The following AHCYL2 variants were observed in gnomAD, a reference collection of about 807,000 sequenced individuals.
AHCYL2 encodes S-adenosylhomocysteine hydrolase-like protein 2.
Under a neutral mutation model 81.4 loss-of-function variants are expected in AHCYL2, and 28 were observed. That is an observed-to-expected ratio of 0.34 (90% CI 0.25 to 0.47). The LOEUF (loss-of-function observed/expected upper bound fraction) is 0.47. Among genes scored for constraint, AHCYL2 ranks in the 20% least tolerant of loss-of-function variants. The pLI is 1.00. For missense variants in AHCYL2, 551 were observed against 785.1 expected, an observed-to-expected ratio of 0.70 and a Z score of 3.56; for synonymous variants, 272 against 290.2, an observed-to-expected ratio of 0.94 and a Z score of 0.64.
chr7:129,361,728 C>T (rs1383481997), intron 1 of AHCYL2, among the ~76,000 whole-genome samples: 2 of 151,980 alleles, frequency 1.3e-5, no homozygotes, highest in African/African-American at 4.8e-5. Context: ...CTCTTGGGCT[C>T]TATCCTCCCA....
At chr7:129,414,597 T>C (rs1402881968) in intron 12 of AHCYL2, among the ~76,000 whole-genome samples, 1 of 152,030 alleles carries the variant, frequency 6.6e-6, no homozygotes, top group Non-Finnish European at 1.5e-5. Context: ...ATTTTTATGT[T>C]TTTAGTAGAG....
At chr7:129,228,487 A>T (rs1305581100) in intron 1 of AHCYL2, among the ~76,000 whole-genome samples, 1 of 152,252 alleles carries the variant, frequency 6.6e-6, no homozygotes, top group African/African-American at 2.4e-5. Flanking sequence ...ATATTTAATT[A>T]TAGTGTCCTT....
intron 1 of AHCYL2, among the ~76,000 whole-genome samples, chr7:129,363,304 C>T (rs1011991781): frequency 1.3e-5 from 2 of 152,060 alleles, no homozygotes; most frequent in African/African-American, 2.4e-5. Flanking sequence ...ATATTGGAAA[C>T]GAATTTATAA....
At chr7:129,248,620 ATTT>A (rs75305879) in intron 1 of AHCYL2, among the ~76,000 whole-genome samples, 1 of 100,792 alleles carries the variant, frequency 9.9e-6, no homozygotes, top group Non-Finnish European at 2.1e-5. Flanking sequence ...CCTGGATACT[ATTT>A]TTTTTTTTTT....
intron 1 of AHCYL2, among the ~76,000 whole-genome samples, chr7:129,275,119 A>G (rs1189264400): frequency 1.3e-5 from 2 of 152,232 alleles, no homozygotes; most frequent in Non-Finnish European, 2.9e-5. Flanking sequence ...GCAGTGGCTC[A>G]CACCTCTAAT....
intron 1 of AHCYL2, among the ~76,000 whole-genome samples, chr7:129,306,506 C>T (rs987209899): frequency 2.0e-5 from 3 of 152,174 alleles, no homozygotes; most frequent in South Asian, 4.1e-4. Context: ...TATGTCATCT[C>T]GAATTTCTTT....
intron 12 of AHCYL2, among the ~76,000 whole-genome samples, chr7:129,418,163 A>AAGG (rs1315032596): frequency 1.4e-4 from 22 of 152,194 alleles, no homozygotes; most frequent in Admixed American, 1.4e-3. Flanking sequence ...GAGTTAACTC[A>AAGG]AGGAGGTATA....
chr7:129,307,924 T>G (rs2150771746), intron 1 of AHCYL2, among the ~76,000 whole-genome samples: 1 of 152,024 alleles, frequency 6.6e-6, no homozygotes, highest in East Asian at 2.0e-4. Context: ...TGCCTGGTGC[T>G]CTTTCCTACT....
chr7:129,294,017 TTTAGA>T (rs35775278), intron 1 of AHCYL2, among the ~76,000 whole-genome samples: 10,269 of 152,174 alleles, frequency 0.067, 1,142 homozygotes, highest in African/African-American at 0.23. Flanking sequence ...AGAAAGATTA[TTTAGA>T]TTAATGTTTG....
At position 129,406,506 on chromosome 7, in the gene AHCYL2, C is replaced by G; in HGVS notation, c.1295+40C>G. ...TACCATCTCACTTGCAATCTCGGAG[C>G]TGTCTCCAAAGAATGGCCTGGTTGA... On this transcript the variant is annotated intron_variant, in intron 10 of 16. Coordinates refer to ENST00000325006, the MANE Select transcript of AHCYL2 (RefSeq NM_015328.4). The surrounding 1 kb of genome is among the most constrained non-coding windows in gnomAD (Gnocchi z 4.3). The G allele has an allele frequency of 6.3e-7, 1 of 1,592,602 alleles. No individual in the cohort carries two copies. Among genetic ancestry groups the G allele is most frequent in the Non-Finnish European group, 8.6e-7 (1 of 1,160,608 alleles).
At chr7:129,266,466 T>C (rs1018142063) in intron 1 of AHCYL2, among the ~76,000 whole-genome samples, 5 of 150,514 alleles carry the variant, frequency 3.3e-5, no homozygotes, top group Admixed American at 3.3e-4. Context: ...GGCAGAGAGG[T>C]TGCAGTGAGC....
At chr7:129,225,543 C>G (rs1219453492) in intron 1 of AHCYL2, 104 bp downstream of exon 1, 2 of 1,393,104 alleles carry the variant, frequency 1.4e-6, no homozygotes, top group Non-Finnish European at 1.9e-6. Flanking sequence ...TTTCTGATCG[C>G]AGGACCGGAG....
chr7:129,333,094 G>T (rs762624745), intron 1 of AHCYL2, among the ~76,000 whole-genome samples: 5 of 152,114 alleles, frequency 3.3e-5, no homozygotes, highest in Non-Finnish European at 7.4e-5. Flanking sequence ...GGAAAACTTG[G>T]AAAATGAATG....
At chr7:129,289,472 A>C (rs1042878692) in intron 1 of AHCYL2, among the ~76,000 whole-genome samples, 3 of 152,180 alleles carry the variant, frequency 2.0e-5, no homozygotes, top group Non-Finnish European at 4.4e-5. Flanking sequence ...TACAATGATG[A>C]TATTCTAGTT....
intron 1 of AHCYL2, among the ~76,000 whole-genome samples, chr7:129,286,546 C>T (rs1186709845): frequency 1.3e-5 from 2 of 152,172 alleles, no homozygotes; most frequent in East Asian, 1.9e-4. Flanking sequence ...CTACAACCTC[C>T]ACCTCCTGGG....
chr7:129,225,203 C>T lies in AHCYL2; in HGVS notation c.127C>T (p.Pro43Ser), dbSNP rs765258406. ...CACGGCCGCCGTGGGCGCCATGGCC[C>T]CCCCGGCGGGCGGTGGAGACCCTGA... ...LSTAAVGAMAPPAGGGDPEAP... is the reference protein window; with the variant it reads ...LSTAAVGAMASPAGGGDPEAP... Residue 43 changes from proline (P) to serine (S), a missense_variant, in exon 1 of 17, where the codon CCC (proline) becomes TCC (serine). By Grantham distance (74) the Pro-to-Ser change is moderately conservative. Transcript: ENST00000325006. 1.1e-5 allele frequency: 17 copies of T among 1,550,208 alleles called. No homozygotes were observed. Among genetic ancestry groups the T allele is most frequent in the Non-Finnish European group, 1.2e-5 (14 of 1,154,246 alleles).
At chr7:129,274,293 A>C (rs1396218970) in intron 1 of AHCYL2, among the ~76,000 whole-genome samples, 1 of 152,218 alleles carries the variant, frequency 6.6e-6, no homozygotes, top group Non-Finnish European at 1.5e-5. Context: ...AGGAGGAACT[A>C]TACTGCAGTA....
At chr7:129,244,729 G>A (rs562073160) in intron 1 of AHCYL2, among the ~76,000 whole-genome samples, 14 of 152,214 alleles carry the variant, frequency 9.2e-5, no homozygotes, top group South Asian at 4.1e-4. Flanking sequence ...TTCAACATAC[G>A]AATCTTTTGG....
At position 129,278,763 on chromosome 7, in the gene AHCYL2, CT is replaced by C. The variant is rs36037913; in HGVS notation, c.363+53343del. On this transcript the variant is annotated intron_variant, in intron 1 of 16. Coordinates refer to ENST00000325006, the MANE Select transcript of AHCYL2 (RefSeq NM_015328.4). ...ATGGTACAAGGTTTGTATTGAAGCT[CT>C]TTTTTTTTTTTTTTTTTTGCATATG... Among the ~76,000 whole-genome samples the C allele has an allele frequency of 6.4e-3, 718 of 111,376 alleles. 5 individuals carry two copies. Among genetic ancestry groups the C allele is most frequent in the African/African-American group, 0.019 (559 of 29,516 alleles). The allele number at this position is 111,376 out of a possible 152,430, so 73.1% of individuals were successfully genotyped here.
Sources: allele counts gnomAD v4.1 joint callset (sites outside exome capture counted in the v4.1 genomes callset), GRCh38; gene constraint gnomAD v4.1.1; non-coding constraint Gnocchi (gnomAD v3.1); transcripts MANE v1.5; gene names NCBI Gene and HGNC (gene_info 2026-07-23, HGNC 2026-07-21).